Variants in BRINP2 observed in about 807,000 individuals in gnomAD.
BRINP2 encodes the protein BMP/retinoic acid-inducible neural-specific protein 2.
Under a neutral mutation model 69.2 loss-of-function variants are expected in BRINP2, and 21 were observed. That is an observed-to-expected ratio of 0.30 (90% confidence interval 0.22 to 0.44). The LOEUF (loss-of-function observed/expected upper bound fraction) is 0.44. Ranked by LOEUF, BRINP2 falls within the 20% of genes least tolerant of loss-of-function variation. The pLI, the probability that BRINP2 is intolerant of heterozygous loss-of-function variation, is 1.00. For synonymous variants in BRINP2, 380 were observed against 394.1 expected (o/e 0.96, Z 0.42); for missense variants, 877 against 986.0 (o/e 0.89, Z 1.48).
chr1:177,275,620 C>G (rs1651465715), intron 5 of BRINP2, among the ~76,000 whole-genome samples: 1 of 152,160 alleles, frequency 6.6e-6, no homozygotes, highest in Non-Finnish European at 1.5e-5. Context: ...AAGTACTCAA[C>G]ATAGTACCTG....
chr1:177,179,566 G>T (rs1648188016), intron 1 of BRINP2, among the ~76,000 whole-genome samples: 1 of 145,538 alleles, frequency 6.9e-6, no homozygotes, highest in Non-Finnish European at 1.5e-5. Context: ...TAGGAAGCAT[G>T]GCACACACAC....
In BRINP2 at chr1:177,234,820, A is replaced by G. The variant is rs370891164; in HGVS notation, c.269+4675A>G. On this transcript the variant is annotated intron_variant, in intron 2 of 7. Coordinates refer to ENST00000361539, the MANE Select transcript of BRINP2 (RefSeq NM_021165.4). ...AATTAAATACATATCTTTATTGACTAAAAGGGACATCATAGTCTTATCATA... is the reference window on the plus strand; with the variant it reads ...AATTAAATACATATCTTTATTGACTGAAAGGGACATCATAGTCTTATCATA... 2.4e-4 allele frequency among the ~76,000 whole-genome samples: 36 copies of G among 152,350 alleles called. 2 individuals carry two copies. In the South Asian group the frequency reaches 7.0e-3, roughly 30 times the overall value.
intron 1 of BRINP2, among the ~76,000 whole-genome samples, chr1:177,172,237 A>C (rs1647957490): frequency 6.6e-6 from 1 of 152,204 alleles, no homozygotes; most frequent in African/African-American, 2.4e-5. Flanking sequence ...CAGGAAAATA[A>C]AATTCCAAAC....
At chr1:177,262,417 C>T (rs1650984466) in intron 4 of BRINP2, among the ~76,000 whole-genome samples, 1 of 151,444 alleles carries the variant, frequency 6.6e-6, no homozygotes, top group South Asian at 2.1e-4. Context: ...GAGGCTGAGG[C>T]AGGAGAATCA....
chr1:177,173,427 G>A (rs1200658938), intron 1 of BRINP2, among the ~76,000 whole-genome samples: 1 of 152,220 alleles, frequency 6.6e-6, no homozygotes, highest in Non-Finnish European at 1.5e-5. Flanking sequence ...TGCAGCCATG[G>A]AGAAGACAGG....
chr1:177,249,145 T>A (rs1178776699), intron 2 of BRINP2, among the ~76,000 whole-genome samples: 11 of 152,250 alleles, frequency 7.2e-5, no homozygotes, highest in Non-Finnish European at 1.6e-4. Flanking sequence ...AGTGTCGGTA[T>A]GCTTGGCTGA....
intron 4 of BRINP2, among the ~76,000 whole-genome samples, chr1:177,271,109 T>A (rs1213445977): frequency 6.6e-6 from 1 of 152,248 alleles, no homozygotes; most frequent in Non-Finnish European, 1.5e-5. Context: ...CTATGTCTTA[T>A]TCATCTGCGA....
At chr1:177,197,359 T>C (rs1038702917) in intron 1 of BRINP2, among the ~76,000 whole-genome samples, 6 of 152,104 alleles carry the variant, frequency 3.9e-5, no homozygotes, top group Admixed American at 3.3e-4. Flanking sequence ...AAACCATTGA[T>C]GAAGGAGCCG....
At chr1:177,192,559 T>C (rs576997569) in intron 1 of BRINP2, among the ~76,000 whole-genome samples, 15 of 152,310 alleles carry the variant, frequency 9.8e-5, no homozygotes, top group African/African-American at 3.4e-4. Flanking sequence ...TGGGAGGAAA[T>C]GAGCCCATCC....
intron 1 of BRINP2, among the ~76,000 whole-genome samples, chr1:177,220,624 A>C (rs963450744): frequency 6.6e-6 from 1 of 152,118 alleles, no homozygotes; most frequent in Non-Finnish European, 1.5e-5. Flanking sequence ...TCAATTACCC[A>C]GTCTTGGGTG....
At chr1:177,199,365 G>T (rs1460991131) in intron 1 of BRINP2, among the ~76,000 whole-genome samples, 1 of 152,140 alleles carries the variant, frequency 6.6e-6, no homozygotes, top group Non-Finnish European at 1.5e-5. Flanking sequence ...CAGCAGAGAG[G>T]ATGATTATCT....
chr1:177,256,370 AG>A, intron 3 of BRINP2: 1 of 985,438 alleles, frequency 1.0e-6, no homozygotes, highest in Non-Finnish European at 1.2e-6. Flanking sequence ...ACTTGCCAGC[AG>A]GGGGCACTCC....
rs374294223 is a variant in BRINP2 at position 177,281,441 on chromosome 1, G to C, written c.2265G>C (p.Glu755Asp). The change falls in exon 8 of 8, where the codon GAG (glutamate) becomes GAC (aspartate). Residue 755 changes from glutamate (E) to aspartate (D), a missense_variant. By Grantham distance (45) the Glu-to-Asp change is conservative. Transcript: ENST00000361539. ...LRHRLKLANN[E>D]VGRIQSSLRA... ...ATCGGCTTAAGCTGGCCAACAATGA[G>C]GTGGGCAGGATCCAGTCCTCCCTGA... 8.7e-6 allele frequency: 14 copies of C among 1,613,904 alleles called. No individual in the cohort carries two copies. Among genetic ancestry groups the C allele is most frequent in the Admixed American group, 6.7e-5 (4 of 59,994 alleles).
chr1:177,270,081 G>GT (rs951915409), intron 4 of BRINP2, among the ~76,000 whole-genome samples: 6 of 109,298 alleles, frequency 5.5e-5, no homozygotes, highest in South Asian at 3.9e-4. Flanking sequence ...GGGGCAAGGG[G>GT]TGGGGGGGGT....
At chr1:177,260,015 G>T (rs879570447) in intron 4 of BRINP2, among the ~76,000 whole-genome samples, 1 of 152,162 alleles carries the variant, frequency 6.6e-6, no homozygotes, top group Non-Finnish European at 1.5e-5. Context: ...GCCATAGATA[G>T]TGATTCCTCT....
At position 177,257,375 on chromosome 1, in the gene BRINP2, G is replaced by A. The variant is rs372957149; in HGVS notation, c.660G>A (p.Gly220=). 5.6e-6 allele frequency: 9 copies of A among 1,609,500 alleles called. No homozygotes were observed. The highest frequency in any genetic ancestry group is 1.1e-5 in the South Asian group (1 of 90,784). The change falls in exon 4 of 8, where the codon GGG becomes GGA. Residue 220 remains glycine (G), a synonymous_variant. Transcript: ENST00000361539. ...RRLHHIQIAT[G]AIKVTETRTG... is the part of the protein sequence containing the mutation. ...TGCACCATATCCAGATAGCCACGGG[G>A]GCCATCAAGGTAATGACCTGAGAGG...
intron 1 of BRINP2, among the ~76,000 whole-genome samples, chr1:177,204,495 A>AG (rs1491179956): frequency 1.3e-5 from 2 of 152,096 alleles, no homozygotes; most frequent in African/African-American, 4.8e-5. Context: ...AGAAAAAAAA[A>AG]GAGAGTGGGG....
chr1:177,272,506 A>G (rs900408529), intron 4 of BRINP2, among the ~76,000 whole-genome samples: 1 of 152,248 alleles, frequency 6.6e-6, no homozygotes, highest in African/African-American at 2.4e-5. Flanking sequence ...TTTGGAGCCT[A>G]TAGAGTGTAG....
Position 177,276,276 on chromosome 1 carries a change from A to C in BRINP2, c.854A>C (p.Glu285Ala). ...CTCAGCTACATCACATGCAGCTCTG[A>C]GGGTGAGCTCGTCTGCAAGGAGAAT... Reference protein sequence around the residue: ...AALSYITCSSEGELVCKENDC... With the variant: ...AALSYITCSSAGELVCKENDC... Residue 285 changes from glutamate to alanine, a missense_variant, in exon 6 of 8, where the codon GAG (glutamate) becomes GCG (alanine). This residue lies in a region of BRINP2 where 566 missense variants were observed against 625.2 expected (regional missense o/e 0.91). Coordinates refer to ENST00000361539, the MANE Select transcript of BRINP2 (RefSeq NM_021165.4). 1 of 1,614,192 alleles carries C rather than the reference A, an allele frequency of 6.2e-7. No individual in the cohort carries two copies. Among genetic ancestry groups the C allele is most frequent in the Non-Finnish European group, 8.5e-7 (1 of 1,180,044 alleles).
Sources: allele counts gnomAD v4.1 joint callset (sites outside exome capture counted in the v4.1 genomes callset), GRCh38; gene constraint gnomAD v4.1.1; regional missense constraint gnomAD v4.1.1; transcripts MANE v1.5; gene names NCBI Gene and HGNC (gene_info 2026-07-23, HGNC 2026-07-21).